The following SGCZ variants were observed in gnomAD, a reference collection of about 807,000 sequenced individuals.
SGCZ encodes the protein sarcoglycan zeta.
A neutral mutation model predicts 41.3 loss-of-function variants in SGCZ; 40 were observed. That is an observed-to-expected ratio of 0.97 (90% confidence interval 0.75 to 1.26). The LOEUF (loss-of-function observed/expected upper bound fraction) is 1.26. SGCZ is among the 50% of genes most tolerant of loss of function. The probability of loss-of-function intolerance (pLI) is 0.00; values close to 1 mark genes in which losing one functional copy is unlikely to be tolerated. For missense variants in SGCZ, 552 were observed against 369.8 expected (o/e 1.49, Z -4.04); for synonymous variants, 206 against 137.5 (o/e 1.50, Z -3.49).
chr8:15,054,813 T>A (rs1248835361), intron 1 of SGCZ, among the ~76,000 whole-genome samples: 1 of 150,516 alleles, frequency 6.6e-6, no homozygotes, highest in Non-Finnish European at 1.5e-5. Context: ...AAAAAAAAAA[T>A]TAGCCGGGCA....
chr8:14,539,471 G>C (rs759355526), intron 2 of SGCZ, among the ~76,000 whole-genome samples: 7 of 151,526 alleles, frequency 4.6e-5, no homozygotes, highest in Non-Finnish European at 7.4e-5. Flanking sequence ...CAAACAAGAG[G>C]ATATTGGGGA....
chr8:14,934,291 G>C (rs1004089105), intron 1 of SGCZ, among the ~76,000 whole-genome samples: 4 of 151,806 alleles, frequency 2.6e-5, no homozygotes, highest in African/African-American at 9.7e-5. Context: ...TAAGTACTGG[G>C]ACTACTGTAT....
At chr8:15,208,902 T>TATATAGAGAG (rs1411869670) in intron 1 of SGCZ, among the ~76,000 whole-genome samples, 50 of 149,988 alleles carry the variant, frequency 3.3e-4, no homozygotes, top group African/African-American at 1.0e-3. Flanking sequence ...TACATATATA[T>TATATAGAGAG]AGAGAGAGAG....
Position 14,102,467 on chromosome 8 carries a change from T to G in SGCZ, c.653A>C (p.Glu218Ala), listed in dbSNP as rs767234983. Residue 218 changes from glutamate (E) to alanine (A), a missense_variant, in exon 7 of 8, where the codon GAA becomes GCA. Transcript: ENST00000382080. Reference protein sequence around the residue: ...LESPTRSLIMEAPRGVQVSAA... With the variant: ...LESPTRSLIMAAPRGVQVSAA... ...ACTCACCTGGACCCCACGGGGAGCT[T>G]CCATGATCAAGGATCTGGTGGGTGA... The G allele has an allele frequency of 2.0e-6, 3 of 1,493,640 alleles. No homozygotes were observed. The highest frequency in any genetic ancestry group is 1.8e-6 in the Non-Finnish European group (2 of 1,105,742). The allele number at this position is 1,493,640 out of a possible 1,614,324, so 92.5% of individuals were successfully genotyped here. A position where few individuals can be genotyped will look rare whatever the true frequency, so the allele number is the denominator to read the frequency against.
intron 1 of SGCZ, among the ~76,000 whole-genome samples, chr8:14,622,956 T>A (rs905275322): frequency 2.0e-5 from 3 of 152,174 alleles, no homozygotes; most frequent in Non-Finnish European, 4.4e-5. Flanking sequence ...TCCATGTATC[T>A]ATTGATATTT....
At chr8:14,139,061 G>A (rs1233035170) in intron 5 of SGCZ, among the ~76,000 whole-genome samples, 2 of 152,100 alleles carry the variant, frequency 1.3e-5, no homozygotes, top group African/African-American at 4.8e-5. Context: ...ACAATTACGT[G>A]GAAACTGAAC....
At chr8:14,828,247 G>T (rs150194141) in intron 1 of SGCZ, among the ~76,000 whole-genome samples, 41 of 152,314 alleles carry the variant, frequency 2.7e-4, no homozygotes, top group African/African-American at 9.4e-4. Flanking sequence ...AAGAAGGGAT[G>T]AGATGATATT....
intron 1 of SGCZ, among the ~76,000 whole-genome samples, chr8:14,743,928 C>T (rs892899614): frequency 6.6e-6 from 1 of 151,964 alleles, no homozygotes; most frequent in African/African-American, 2.4e-5. Flanking sequence ...TCTGGGGATC[C>T]GAAAGGACAG....
At chr8:14,104,232 T>C (rs1199749937) in intron 6 of SGCZ, among the ~76,000 whole-genome samples, 1 of 152,198 alleles carries the variant, frequency 6.6e-6, no homozygotes, top group Non-Finnish European at 1.5e-5. Flanking sequence ...TTTATAATTG[T>C]ATTCATTTGG....
rs763756935 is a variant in SGCZ at position 14,237,601 on chromosome 8, G to C, written c.415C>G (p.Leu139Val). 6.2e-7 allele frequency: 1 copy of C among 1,613,786 alleles called. No individual in the cohort carries two copies. The highest frequency in any genetic ancestry group is 8.5e-7 in the Non-Finnish European group (1 of 1,179,748). Residue 139 changes from leucine (L) to valine (V), a missense_variant, in exon 4 of 8, where the codon CTG (leucine) becomes GTG (valine). Physicochemically the swap from Leu to Val is conservative, Grantham distance 32. Transcript: ENST00000382080. The part of the protein sequence containing the change: ...RNHMGQLTGQ[L>V]TIGADAVEAQ... ...ACCCCAAAACACTCACCTATGGTCA[G>C]CTGTCCGGTTAACTGCCCCATGTGA... is the stretch of plus-strand genomic sequence containing the variant.
At chr8:15,103,423 A>AATAAATAG (rs1311706738) in intron 1 of SGCZ, among the ~76,000 whole-genome samples, 2 of 151,614 alleles carry the variant, frequency 1.3e-5, no homozygotes, top group African/African-American at 4.8e-5. Context: ...TAAATAAATA[A>AATAAATAG]ATAAATAAAA....
intron 1 of SGCZ, among the ~76,000 whole-genome samples, chr8:15,096,769 T>A (rs1196090219): frequency 6.6e-6 from 1 of 152,102 alleles, no homozygotes; most frequent in African/African-American, 2.4e-5. Context: ...CACTGTAACC[T>A]CCACCTCCAG....
At chr8:15,040,287 T>C (rs534263664) in intron 1 of SGCZ, among the ~76,000 whole-genome samples, 55 of 152,310 alleles carry the variant, frequency 3.6e-4, no homozygotes, top group African/African-American at 1.3e-3. Flanking sequence ...ACATGACTGA[T>C]ACATTAGTCT....
At chr8:14,733,918 C>G (rs952547476) in intron 1 of SGCZ, among the ~76,000 whole-genome samples, 2 of 152,304 alleles carry the variant, frequency 1.3e-5, no homozygotes, top group African/African-American at 4.8e-5. Flanking sequence ...AGATACTTGT[C>G]TGGATACTCA....
At chr8:15,103,876 G>A (rs1228076122) in intron 1 of SGCZ, among the ~76,000 whole-genome samples, 2 of 152,084 alleles carry the variant, frequency 1.3e-5, no homozygotes, top group African/African-American at 2.4e-5. Context: ...ATACAAATAC[G>A]AAGCAAATAG....
intron 1 of SGCZ, among the ~76,000 whole-genome samples, chr8:14,830,716 T>C (rs185883105): frequency 9.5e-4 from 144 of 152,310 alleles, no homozygotes; most frequent in Non-Finnish European, 1.0e-4. Context: ...TGTCATTATA[T>C]TCCCAGTTGG....
At chr8:14,625,482 T>C (rs888165616) in intron 1 of SGCZ, among the ~76,000 whole-genome samples, 2 of 152,224 alleles carry the variant, frequency 1.3e-5, no homozygotes, top group Admixed American at 6.5e-5. Context: ...CTATGAGCAT[T>C]ACATGGCTAG....
chr8:14,695,881 T>C (rs1808945231), intron 1 of SGCZ, among the ~76,000 whole-genome samples: 1 of 151,966 alleles, frequency 6.6e-6, no homozygotes, highest in South Asian at 2.1e-4. Flanking sequence ...AGAACATAGT[T>C]AATGAGCTGA....
intron 1 of SGCZ, among the ~76,000 whole-genome samples, chr8:14,758,959 G>A (rs556549256): frequency 6.8e-6 from 1 of 148,020 alleles, no homozygotes; most frequent in African/African-American, 2.5e-5. Flanking sequence ...AGTGAGCCAA[G>A]ATCAGGCCAT....
Sources: gnomAD v4.1 joint callset for allele counts (sites outside exome capture counted in the v4.1 genomes callset) on GRCh38, gnomAD v4.1.1 for gene constraint, MANE v1.5 for transcripts, NCBI Gene and HGNC (gene_info 2026-07-23, HGNC 2026-07-21) for gene names.